Variants in MCC observed in about 807,000 individuals in gnomAD.
MCC encodes colorectal mutant cancer protein.
In MCC, 90 loss-of-function variants were observed where a neutral mutation model predicts 116.2. That is an observed-to-expected ratio of 0.77 (90% CI 0.65 to 0.92). MCC has a LOEUF of 0.92. Ranked by LOEUF, MCC falls within the 40% of genes least tolerant of loss-of-function variation. The pLI, the probability that MCC is intolerant of heterozygous loss-of-function variation, is 0.00. For synonymous variants in MCC, 578 were observed against 510.5 expected (o/e 1.13, Z -1.78); for missense variants, 1,516 against 1,312.2 (o/e 1.16, Z -2.40).
chr5:113,175,365 G>A (rs561784721), intron 3 of MCC, among the ~76,000 whole-genome samples: 50 of 152,266 alleles, frequency 3.3e-4, no homozygotes, highest in African/African-American at 8.7e-4. Context: ...TTTCAGGGAC[G>A]TATTTATTCT....
At chr5:113,031,314 C>T (rs914033372) in intron 17 of MCC, among the ~76,000 whole-genome samples, 2 of 152,142 alleles carry the variant, frequency 1.3e-5, no homozygotes, top group African/African-American at 2.4e-5. Flanking sequence ...CAGGACATCT[C>T]GGATCTGGCT....
At chr5:113,197,183 G>A (rs545410676) in intron 3 of MCC, among the ~76,000 whole-genome samples, 7 of 152,252 alleles carry the variant, frequency 4.6e-5, no homozygotes, top group African/African-American at 1.7e-4. Context: ...GTTCTGGGTC[G>A]ATGGGGAGAT....
At position 113,204,064 on chromosome 5, in the gene MCC, T is replaced by A. The variant is rs1762806420; in HGVS notation, c.628-52642A>T. Among the ~76,000 whole-genome samples the A allele has an allele frequency of 1.3e-5, 2 of 152,190 alleles. 1 individual carries two copies. Among genetic ancestry groups the A allele is most frequent in the South Asian group, 4.1e-4 (2 of 4,828 alleles). On this transcript the variant is annotated intron_variant, in intron 3 of 18. Transcript: ENST00000408903. ...CACTCATCTCTATCCACAGCCTTTC[T>A]GGGCAGCTGAGATGAATAAGAGGAA...
rs1752643122 is a variant in MCC, at chr5:113,053,849, A to C, written c.2324T>G (p.Leu775Arg). Residue 775 changes from leucine to arginine, a missense_variant, in exon 15 of 19, where the codon CTG (leucine) becomes CGG (arginine). Transcript: ENST00000408903. The stretch of plus-strand genomic sequence containing the variant: ...GATGCTTTCCAGCTCCAGCATGGTC[A>C]GCTTGACCGCAGCCCTGTCATTCTT... The part of the protein sequence containing the change: ...QLKNDRAAVK[L>R]TMLELESIHI... 6.2e-7 allele frequency: 1 copy of C among 1,614,156 alleles called. No individual in the cohort carries two copies. The highest frequency in any genetic ancestry group is 1.3e-5 in the African/African-American group (1 of 75,042).
intron 3 of MCC, among the ~76,000 whole-genome samples, chr5:113,196,994 C>T (rs1438848580): frequency 1.3e-5 from 2 of 152,212 alleles, no homozygotes; most frequent in African/African-American, 2.4e-5. Context: ...GATGCAGTGT[C>T]TGCCCTCATG....
At chr5:113,213,931 T>C (rs1371161196) in intron 3 of MCC, among the ~76,000 whole-genome samples, 1 of 152,032 alleles carries the variant, frequency 6.6e-6, no homozygotes, top group African/African-American at 2.4e-5. Context: ...GCATCATTTA[T>C]TTTTTTTCTC....
intron 1 of MCC, among the ~76,000 whole-genome samples, chr5:113,389,638 T>C (rs1769356336): frequency 6.6e-6 from 1 of 152,140 alleles, no homozygotes; most frequent in Admixed American, 6.5e-5. Context: ...TTTTCACATA[T>C]TCAATCCTTA....
intron 2 of MCC, among the ~76,000 whole-genome samples, chr5:113,351,713 C>A (rs909163869): frequency 6.6e-6 from 1 of 152,114 alleles, no homozygotes. Flanking sequence ...TTGTTTGCGA[C>A]ACAAAGGATA....
intron 2 of MCC, among the ~76,000 whole-genome samples, chr5:113,363,346 T>C (rs1768597106): frequency 2.6e-5 from 4 of 152,176 alleles, no homozygotes; most frequent in African/African-American, 7.2e-5. Context: ...GAAATTTAAT[T>C]GGCTCACAGT....
chr5:113,208,053 C>T (rs1264227888), intron 3 of MCC, among the ~76,000 whole-genome samples: 2 of 152,064 alleles, frequency 1.3e-5, no homozygotes, highest in African/African-American at 4.8e-5. Flanking sequence ...CCATACTTTC[C>T]ACTTTGTATG....
At chr5:113,107,806 AC>A (rs1756837051) in intron 6 of MCC, among the ~76,000 whole-genome samples, 1 of 152,206 alleles carries the variant, frequency 6.6e-6, no homozygotes, top group Non-Finnish European at 1.5e-5. Context: ...AGGGGCTCTC[AC>A]AGCAGAGCCG....
chr5:113,364,502 C>T (rs1401076811), intron 2 of MCC, among the ~76,000 whole-genome samples: 5 of 152,232 alleles, frequency 3.3e-5, no homozygotes, highest in African/African-American at 1.2e-4. Flanking sequence ...TTTCCAACTA[C>T]AGGGTGCAAA....
chr5:113,294,612 G>T (rs550014563), intron 3 of MCC: 1 of 1,167,186 alleles, frequency 8.6e-7, no homozygotes, highest in Admixed American at 4.7e-5. Context: ...GAGGCTCGGT[G>T]GCGCGGCGCG....
chr5:113,152,566 A>G (rs955200855), intron 3 of MCC, among the ~76,000 whole-genome samples: 1 of 152,196 alleles, frequency 6.6e-6, no homozygotes, highest in African/African-American at 2.4e-5. Context: ...ACACAGGACG[A>G]TGGTACGTAA....
chr5:113,365,502 TC>T (rs1436985317), intron 2 of MCC, among the ~76,000 whole-genome samples: 5 of 152,152 alleles, frequency 3.3e-5, no homozygotes, highest in Non-Finnish European at 7.3e-5. Context: ...TCTCTTAACT[TC>T]CTATCTTCTT....
Position 113,433,569 on chromosome 5 carries a change from GCCACGGGAGAA to G in MCC, c.171-48368_171-48358del, listed in dbSNP as rs2150412079. ...TGACTTTGGCCTCATCCACCTAGGGGCCACGGGAGAACCATGTGGGTTACCAAGTTCAAGGG... is the reference window on the plus strand; with the variant it reads ...TGACTTTGGCCTCATCCACCTAGGGGCCATGTGGGTTACCAAGTTCAAGGG... On this transcript the variant is annotated intron_variant, in intron 1 of 18. Coordinates refer to ENST00000408903, the MANE Select transcript of MCC (RefSeq NM_001085377.2). The G allele has an allele frequency of 1.7e-5, 15 of 869,668 alleles. No individual in the cohort carries two copies. In the South Asian group the frequency reaches 2.4e-4, roughly 14 times the overall value. The allele number at this position is 869,668 out of a possible 1,614,324, so 53.9% of individuals were successfully genotyped here.
intron 1 of MCC, among the ~76,000 whole-genome samples, chr5:113,448,609 G>A (rs772593224): frequency 6.7e-6 from 1 of 148,374 alleles, no homozygotes. Flanking sequence ...CACTGCCTTC[G>A]GTTGTGACAA....
intron 3 of MCC, among the ~76,000 whole-genome samples, chr5:113,176,932 C>T (rs879816375): frequency 3.9e-5 from 6 of 152,166 alleles, no homozygotes; most frequent in Non-Finnish European, 5.9e-5. Flanking sequence ...TACATCTAGC[C>T]TTCTCTCTAA....
intron 6 of MCC, among the ~76,000 whole-genome samples, chr5:113,112,339 G>A (rs932101367): frequency 3.9e-5 from 6 of 152,142 alleles, no homozygotes; most frequent in African/African-American, 1.2e-4. Flanking sequence ...GGATCATGGG[G>A]GCAGACTTCT....
Sources: allele counts gnomAD v4.1 joint callset (sites outside exome capture counted in the v4.1 genomes callset), GRCh38; gene constraint gnomAD v4.1.1; transcripts MANE v1.5; gene names NCBI Gene and HGNC (gene_info 2026-07-23, HGNC 2026-07-21).